The following RFC1 variants were observed in gnomAD, a reference collection of about 807,000 sequenced individuals.
RFC1 encodes the protein A1 140 kDa subunit.
A neutral mutation model predicts 137.4 loss-of-function variants in RFC1; 37 were observed. The observed-to-expected ratio is 0.27, with a 90% confidence interval of 0.21 to 0.35. RFC1 has a LOEUF of 0.35. Among genes scored for constraint, RFC1 ranks in the 10% least tolerant of loss-of-function variants. The pLI, the probability that RFC1 is intolerant of heterozygous loss-of-function variation, is 1.00. For missense variants in RFC1, 1,205 were observed against 1,358.5 expected (o/e 0.89, Z 1.78); for synonymous variants, 429 against 455.7 (o/e 0.94, Z 0.75).
At chr4:39,348,422 C>CAAAAAAGAAAAGAAAAGAAAAGA (rs1740975067) in intron 2 of RFC1, among the ~76,000 whole-genome samples, 1 of 46,138 alleles carries the variant, frequency 2.2e-5, no homozygotes, top group Non-Finnish European at 4.4e-5. Context: ...GACTCTGTTT[C>CAAAAAAGAAAAGAAAAGAAAAGA]AAAAAAGAAA....
At position 39,302,850 on chromosome 4, in the gene RFC1, T is replaced by C. The variant is rs1437474171; in HGVS notation, c.2227A>G (p.Thr743Ala). Residue 743 changes from threonine (T) to alanine (A), a missense_variant, in exon 17 of 25, where the codon ACT becomes GCT. Physicochemically the swap from Thr to Ala is moderately conservative, Grantham distance 58. This residue lies in a region of RFC1 where 962 missense variants were observed against 1,035.3 expected (regional missense o/e 0.93). Transcript: ENST00000349703. Reference sequence around the variant, plus strand: ...CACATACAAATAATGGGAATTTTAGTATGTTTTATCAGGCCAATTAATTCC... The same window carrying C: ...CACATACAAATAATGGGAATTTTAGCATGTTTTATCAGGCCAATTAATTCC... ...IQELIGLIKH[T>A]KIPIICMCND... 1 of 1,589,506 alleles carries C rather than the reference T, an allele frequency of 6.3e-7. No homozygotes were observed. Among genetic ancestry groups the C allele is most frequent in the Admixed American group, 1.9e-5 (1 of 53,688 alleles).
intron 7 of RFC1, among the ~76,000 whole-genome samples, chr4:39,322,603 T>G (rs187548048): frequency 6.6e-6 from 1 of 152,138 alleles, no homozygotes; most frequent in African/African-American, 2.4e-5. Context: ...ACATAAGAAC[T>G]CCTATGATAA....
chr4:39,331,829 A>G (rs1436977258), intron 4 of RFC1, among the ~76,000 whole-genome samples: 6 of 152,226 alleles, frequency 3.9e-5, no homozygotes, highest in Non-Finnish European at 8.8e-5. Context: ...ATCTCTGATT[A>G]GGGAAATATG....
chr4:39,363,707 G>T (rs900301120), intron 1 of RFC1, among the ~76,000 whole-genome samples: 2 of 151,600 alleles, frequency 1.3e-5, no homozygotes, highest in Non-Finnish European at 2.9e-5. Context: ...GGCCAACATG[G>T]TGAAACTTCA....
In RFC1 at chr4:39,315,040, G is replaced by T. The variant is rs1739170474; in HGVS notation, c.1203+1875C>A. Among the ~76,000 whole-genome samples the T allele has an allele frequency of 2.0e-5, 3 of 152,028 alleles. No individual in the cohort carries two copies. The South Asian group carries it at 6.2e-4, about 31-fold the overall frequency. On this transcript the variant is annotated intron_variant, in intron 10 of 24. Coordinates refer to ENST00000349703, the MANE Select transcript of RFC1 (RefSeq NM_002913.5). The stretch of plus-strand genomic sequence containing the variant: ...GTCACTTCCCCTTCTAGTCCTTCTA[G>T]CTAGAAGTCCTCCCACTTCTTTCTC...
chr4:39,348,428 A>AAAAGGAAAGGAAAGGAAAGGAAAGGAAAG (rs1491335995), intron 2 of RFC1, among the ~76,000 whole-genome samples: 1 of 38,050 alleles, frequency 2.6e-5, no homozygotes, highest in Non-Finnish European at 6.5e-5. Flanking sequence ...GTTTCAAAAA[A>AAAAGGAAAGGAAAGGAAAGGAAAGGAAAG]GAAAAGAAAA....
chr4:39,321,419 A>G (rs1730385914), intron 7 of RFC1, 45 bp from the exon 8 acceptor site: 4 of 1,539,258 alleles, frequency 2.6e-6, no homozygotes, highest in Non-Finnish European at 3.6e-6. Flanking sequence ...TAATAGAAAA[A>G]CTATTACCAT....
intron 1 of RFC1, among the ~76,000 whole-genome samples, chr4:39,364,779 CCT>C (rs1051496047): frequency 1.3e-5 from 2 of 152,110 alleles, no homozygotes; most frequent in Non-Finnish European, 2.9e-5. Context: ...ATTATTTTCC[CCT>C]CTTTTACAGA....
intron 2 of RFC1, among the ~76,000 whole-genome samples, chr4:39,349,976 C>T (rs1741102971): frequency 6.6e-6 from 1 of 152,146 alleles, no homozygotes; most frequent in Non-Finnish European, 1.5e-5. Flanking sequence ...TGCACTCCAA[C>T]CTGGGCAATG....
intron 19 of RFC1, among the ~76,000 whole-genome samples, chr4:39,301,251 G>A (rs1738345647): frequency 1.3e-5 from 2 of 152,178 alleles, no homozygotes; most frequent in Non-Finnish European, 2.9e-5. Flanking sequence ...ACAGTGAAAG[G>A]ATCAGTGGCT....
intron 7 of RFC1, 129 bp downstream of exon 7, chr4:39,323,211 A>G (rs1193144140): frequency 3.4e-6 from 2 of 588,254 alleles, no homozygotes; most frequent in Non-Finnish European, 5.3e-6. Flanking sequence ...CCCCAAAAAC[A>G]TTTTTATAAA....
intron 22 of RFC1, among the ~76,000 whole-genome samples, chr4:39,294,231 T>C (rs1737851223): frequency 3.9e-5 from 6 of 152,116 alleles, no homozygotes; most frequent in Admixed American, 3.3e-4. Flanking sequence ...AACAAGATAA[T>C]AAAATAGAAT....
intron 4 of RFC1, among the ~76,000 whole-genome samples, chr4:39,339,994 T>G (rs1740536976): frequency 6.6e-6 from 1 of 152,240 alleles, no homozygotes; most frequent in South Asian, 2.1e-4. Context: ...TAATATTTAT[T>G]GAGCATTTAC....
intron 4 of RFC1, among the ~76,000 whole-genome samples, chr4:39,339,924 C>T (rs146165211): frequency 6.6e-6 from 1 of 151,992 alleles, no homozygotes; most frequent in Non-Finnish European, 1.5e-5. Context: ...TAAACAAATA[C>T]AAAATGTCTT....
Position 39,295,756 on chromosome 4 carries a change from T to C in RFC1, c.2812A>G (p.Ile938Val), listed in dbSNP as rs56273953. The change falls in exon 22 of 25, where the codon ATT becomes GTT. Residue 938 changes from isoleucine (I) to valine (V), a missense_variant. Transcript: ENST00000349703. ...TCTCCAGGAAGAACACTGGCATAAA[T>C]GGCCTGAAAAAAAATCAATTGCAGT... ...QNWSLLPAQA[I>V]YASVLPGELM... is the part of the protein sequence containing the mutation. 1.1e-4 allele frequency: 170 copies of C among 1,605,162 alleles called. 1 individual carries two copies. In the East Asian group the frequency reaches 3.7e-3, roughly 35 times the overall value.
intron 8 of RFC1, among the ~76,000 whole-genome samples, chr4:39,321,009 T>C (rs865852827): frequency 1.3e-5 from 2 of 152,318 alleles, no homozygotes; most frequent in Non-Finnish European, 2.9e-5. Flanking sequence ...TTCATCTTTA[T>C]ATATTGAAAT....
chr4:39,326,396 C>A, intron 6 of RFC1, among the ~76,000 whole-genome samples, 167 bp downstream of exon 6: 1 of 152,276 alleles, frequency 6.6e-6, no homozygotes, highest in East Asian at 1.9e-4. Flanking sequence ...GTAAATAATT[C>A]TCCCCTGGTC....
chr4:39,346,122 G>A (rs563261059), intron 2 of RFC1, among the ~76,000 whole-genome samples: 6 of 152,282 alleles, frequency 3.9e-5, no homozygotes, highest in African/African-American at 4.8e-5. Flanking sequence ...AAAATGAAAC[G>A]ACAGAAACAG....
chr4:39,328,972 A>C (rs1383842372), intron 4 of RFC1, among the ~76,000 whole-genome samples: 1 of 151,892 alleles, frequency 6.6e-6, no homozygotes, highest in East Asian at 1.9e-4. Flanking sequence ...TTAAGACCAT[A>C]AATTCTTTGT....
Sources: gnomAD v4.1 joint callset for allele counts (sites outside exome capture counted in the v4.1 genomes callset) on GRCh38, gnomAD v4.1.1 for gene constraint, gnomAD v4.1.1 regional missense constraint, MANE v1.5 for transcripts, NCBI Gene and HGNC (gene_info 2026-07-23, HGNC 2026-07-21) for gene names.